The following NLRP4 variants were observed in gnomAD, a reference collection of about 807,000 sequenced individuals.
NLRP4 encodes the protein NLR family pyrin domain containing 4, also known as NACHT, LRR and PYD domains-containing protein 4.
Under a neutral mutation model 84.7 loss-of-function variants are expected in NLRP4, and 44 were observed. That is an observed-to-expected ratio of 0.52 (90% CI 0.41 to 0.67). The LOEUF (loss-of-function observed/expected upper bound fraction) is 0.67. NLRP4 is among the 30% of genes least tolerant of loss of function. The pLI, the probability that NLRP4 is intolerant of heterozygous loss-of-function variation, is 0.00. For missense variants in NLRP4, 1,260 were observed against 1,219.4 expected (o/e 1.03, Z -0.50); for synonymous variants, 544 against 476.4 (o/e 1.14, Z -1.85).
Position 55,877,151 on chromosome 19 carries a change from G to C in NLRP4, c.2681G>C (p.Arg894Pro). Residue 894 changes from arginine to proline, a missense_variant, in exon 8 of 10, where the codon CGC (arginine) becomes CCC (proline). Around this residue, in one of 3 missense-constraint regions of NLRP4, gnomAD observed 544 missense variants for 531.7 expected, o/e 1.02. Coordinates refer to ENST00000301295, the MANE Select transcript of NLRP4 (RefSeq NM_134444.5). ...LCRALTHTDC[R>P]LEILGLEECG... ...CGGGCTCTGACGCATACGGATTGCC[G>C]CTTAGAGATTCTTGGGTGGGTATCG... The C allele has an allele frequency of 6.2e-7, 1 of 1,613,674 alleles. No homozygotes were observed.
At chr19:55,843,755 A>G (rs1260439070) in intron 1 of NLRP4, among the ~76,000 whole-genome samples, 2 of 151,942 alleles carry the variant, frequency 1.3e-5, no homozygotes, top group African/African-American at 4.8e-5. Flanking sequence ...TACAAAAGTA[A>G]TTGCGGTTTT....
At position 55,869,383 on chromosome 19, in the gene NLRP4, C is replaced by CA. The variant is rs34026493; in HGVS notation, c.2355-1434dup. Among the ~76,000 whole-genome samples the CA allele has an allele frequency of 3.0e-3, 447 of 148,956 alleles. 3 individuals are homozygous for CA. The highest frequency in any genetic ancestry group is 7.6e-3 in the African/African-American group (310 of 40,578). ...TCTCAAAAAAAAACAAAAAATAAAC[C>CA]AAAAAAAAAACAAAAAACAACAAAG... On this transcript the variant is annotated intron_variant, in intron 6 of 9. Transcript: ENST00000301295.
At chr19:55,878,481 A>ATT (rs1446007915) in intron 8 of NLRP4, among the ~76,000 whole-genome samples, 3 of 151,768 alleles carry the variant, frequency 2.0e-5, no homozygotes, top group Admixed American at 6.6e-5. Context: ...TTGTTATCTG[A>ATT]GACGGCTTCA....
chr19:55,849,130 G>A (rs60189506), intron 1 of NLRP4, among the ~76,000 whole-genome samples: 38 of 152,248 alleles, frequency 2.5e-4, no homozygotes, highest in African/African-American at 8.7e-4. Context: ...GAGTTATGCC[G>A]CATCTCCTTA....
At chr19:55,844,456 G>C (rs1009150679) in intron 1 of NLRP4, among the ~76,000 whole-genome samples, 3 of 151,860 alleles carry the variant, frequency 2.0e-5, no homozygotes, top group Non-Finnish European at 2.9e-5. Context: ...TTGTATTTTT[G>C]GTAGAGATGG....
At chr19:55,859,936 A>AAAAC (rs1380901716) in intron 3 of NLRP4, among the ~76,000 whole-genome samples, 1,838 of 127,674 alleles carry the variant, frequency 0.014, 111 homozygotes, top group African/African-American at 0.051. Context: ...CAAAAAAAAA[A>AAAAC]AAAAAAAAAA....
At chr19:55,845,656 G>A (rs1407557404) in intron 1 of NLRP4, among the ~76,000 whole-genome samples, 2 of 151,552 alleles carry the variant, frequency 1.3e-5, no homozygotes, top group East Asian at 1.9e-4. Flanking sequence ...GTGTAAAAGT[G>A]TTCCTATTTC....
intron 9 of NLRP4, among the ~76,000 whole-genome samples, chr19:55,879,531 C>T (rs1049014074): frequency 6.6e-6 from 1 of 152,154 alleles, no homozygotes; most frequent in African/African-American, 2.4e-5. Context: ...TCTGCCTGAG[C>T]TGCACTATGT....
At chr19:55,837,771 C>T (rs544187272) in intron 1 of NLRP4, among the ~76,000 whole-genome samples, 1 of 152,200 alleles carries the variant, frequency 6.6e-6, no homozygotes, top group African/African-American at 2.4e-5. Context: ...TGTGGTGGCT[C>T]ATGCCTGTAA....
Position 55,880,902 on chromosome 19 carries a change from G to C in NLRP4, c.2868-568G>C, listed in dbSNP as rs148644580. Among the ~76,000 whole-genome samples the C allele has an allele frequency of 1.7e-3, 262 of 152,246 alleles. 4 individuals are homozygous for C. The East Asian group carries it at 0.024, about 14-fold the overall frequency. On this transcript the variant is annotated intron_variant, in intron 9 of 9. Transcript: ENST00000301295. ...GCAGTTGTGAACATTTAATGAGATA[G>C]GCATGTAAAAAGCCTTAGCAGAGGG...
intron 2 of NLRP4, 140 bp downstream of exon 2, chr19:55,852,500 G>A (rs1261266898): frequency 3.6e-6 from 2 of 552,544 alleles, no homozygotes; most frequent in Non-Finnish European, 3.0e-6. Context: ...TTTTTTGGTA[G>A]ACGGAGTCGC....
intron 1 of NLRP4, among the ~76,000 whole-genome samples, chr19:55,839,308 A>AGTGTGTGTGT (rs59705356): frequency 4.0e-4 from 60 of 151,466 alleles, no homozygotes; most frequent in African/African-American, 1.3e-3. Flanking sequence ...CCTCAGTTTG[A>AGTGTGTGTGT]GTGTGTGTGT....
Position 55,848,555 on chromosome 19 carries a change from C to G in NLRP4, c.-65-3461C>G, listed in dbSNP as rs1445383845. On this transcript the variant is annotated intron_variant, in intron 1 of 9. Transcript: ENST00000301295. ...AGTAGCTGGGATTACAGGTACCCAC[C>G]ACCACATCCGGCTAATTTTTTGTAT... Among the ~76,000 whole-genome samples the G allele has an allele frequency of 4.6e-5, 7 of 152,222 alleles. No homozygotes were observed. The South Asian group carries it at 8.3e-4, about 18-fold the overall frequency.
In NLRP4 at chr19:55,861,992, A is replaced by G; in HGVS notation, c.2019A>G (p.Gly673=). The G allele has an allele frequency of 1.2e-6, 2 of 1,612,686 alleles. No individual in the cohort carries two copies. The highest frequency in any genetic ancestry group is 8.5e-7 in the Non-Finnish European group (1 of 1,178,942). Residue 673 remains glycine (G), a splice_region_variant and synonymous_variant, in exon 5 of 10, where the codon GGA becomes GGG. Transcript: ENST00000301295. ...RHPSCRLQKL[G]INNVSFSGQS... is the part of the protein sequence containing the mutation. ...TCCAAAATTTTCTTTGTTTTTGCAG[A>G]ATAAATAACGTTTCCTTTTCTGGCC...
At position 55,850,231 on chromosome 19, in the gene NLRP4, GTGGCTGCGGTGTAATT is replaced by G. The variant is rs1348215568; in HGVS notation, c.-65-1783_-65-1768del. ...TTTCCGTGGCTGCGGTGTAATTTCC[GTGGCTGCGGTGTAATT>G]TCCGAGGCTGCGGTGTAATTTCCGA... On this transcript the variant is annotated intron_variant, in intron 1 of 9. Transcript: ENST00000301295. Among the ~76,000 whole-genome samples the G allele has an allele frequency of 1.3e-4, 19 of 141,116 alleles. 1 individual carries two copies. Among genetic ancestry groups the G allele is most frequent in the African/African-American group, 5.6e-4 (19 of 33,868 alleles). 92.6% of individuals were successfully genotyped at this position (141,116 alleles called of 152,430 possible). A position where few individuals can be genotyped will look rare whatever the true frequency, so the allele number is the denominator to read the frequency against.
At chr19:55,850,992 A>T (rs1363251069) in intron 1 of NLRP4, among the ~76,000 whole-genome samples, 2 of 103,534 alleles carry the variant, frequency 1.9e-5, no homozygotes, top group Non-Finnish European at 3.5e-5. Flanking sequence ...GTAATTTACG[A>T]GGCTGCGGTG....
intron 1 of NLRP4, among the ~76,000 whole-genome samples, chr19:55,847,155 G>A (rs1261134347): frequency 1.6e-5 from 2 of 124,414 alleles, no homozygotes; most frequent in Non-Finnish European, 3.1e-5. Context: ...TTTTATTTGA[G>A]GGGGGGGCAG....
chr19:55,866,267 C>T (rs1245263914), intron 5 of NLRP4, among the ~76,000 whole-genome samples: 2 of 152,144 alleles, frequency 1.3e-5, no homozygotes, highest in East Asian at 1.9e-4. Flanking sequence ...CTCTTGACCT[C>T]ATGTTCCGCC....
intron 2 of NLRP4, among the ~76,000 whole-genome samples, chr19:55,853,271 A>AT (rs1984241926): frequency 6.6e-6 from 1 of 152,000 alleles, no homozygotes; most frequent in East Asian, 1.9e-4. Flanking sequence ...TTTCATCCTG[A>AT]TTGGGATTCT....
Sources: allele counts gnomAD v4.1 joint callset (sites outside exome capture counted in the v4.1 genomes callset), GRCh38; gene constraint gnomAD v4.1.1; regional missense constraint gnomAD v4.1.1; transcripts MANE v1.5; gene names NCBI Gene and HGNC (gene_info 2026-07-23, HGNC 2026-07-21).